Variants in LRR1 observed in about 807,000 individuals in gnomAD.
LRR1 encodes the protein leucine-rich repeat protein 1.
A neutral mutation model predicts 31.6 loss-of-function variants in LRR1; 29 were observed. That is an observed-to-expected ratio of 0.92 (90% CI 0.68 to 1.25). The LOEUF (loss-of-function observed/expected upper bound fraction) is 1.25. LRR1 is among the 50% of genes most tolerant of loss of function. The pLI, the probability that LRR1 is intolerant of heterozygous loss-of-function variation, is 0.00. For synonymous variants in LRR1, 179 were observed against 181.4 expected, an observed-to-expected ratio of 0.99 and a Z score of 0.10; for missense variants, 485 against 487.2, an observed-to-expected ratio of 1.00 and a Z score of 0.04.
chr14:49,611,242 C>T (rs746174109), intron 3 of LRR1, among the ~76,000 whole-genome samples: 2 of 152,020 alleles, frequency 1.3e-5, no homozygotes, highest in African/African-American at 2.4e-5. Context: ...TTTGGGAGAT[C>T]GAGGCAGGCG....
At chr14:49,613,853 G>A (rs1034236386) in intron 3 of LRR1, among the ~76,000 whole-genome samples, 1 of 152,130 alleles carries the variant, frequency 6.6e-6, no homozygotes, top group Non-Finnish European at 1.5e-5. Flanking sequence ...CACCACTGAA[G>A]GGTTTTAAGT....
intron 2 of LRR1, among the ~76,000 whole-genome samples, chr14:49,604,428 G>C (rs925843357): frequency 6.6e-6 from 1 of 152,098 alleles, no homozygotes; most frequent in African/African-American, 2.4e-5. Flanking sequence ...GGCCAGACAC[G>C]GTGGCTCACG....
intron 1 of LRR1, chr14:49,600,101 G>T: frequency 6.3e-7 from 1 of 1,592,074 alleles, no homozygotes; most frequent in South Asian, 1.1e-5. Flanking sequence ...CCTTCCCGGA[G>T]GAGTACGTGC....
At chr14:49,607,375 A>G (rs779995281) in intron 2 of LRR1, 25 bp from the exon 3 acceptor site, 1 of 1,522,078 alleles carries the variant, frequency 6.6e-7, no homozygotes, top group Non-Finnish European at 8.8e-7. Context: ...TGGAATTTAT[A>G]ATTCTACAAC....
chr14:49,611,637 G>A (rs192973290), intron 3 of LRR1, among the ~76,000 whole-genome samples: 81 of 150,772 alleles, frequency 5.4e-4, no homozygotes, highest in Admixed American at 3.2e-3. Context: ...TGTAAGAATT[G>A]TAAGGCTGGG....
At chr14:49,600,113 C>T in intron 1 of LRR1, 5 of 1,584,684 alleles carry the variant, frequency 3.2e-6, no homozygotes, top group African/African-American at 2.7e-5. Context: ...AGTACGTGCC[C>T]ACCGTCTTCG....
At chr14:49,599,239 T>A in intron 1 of LRR1, 36 bp downstream of exon 1, 1 of 1,545,142 alleles carries the variant, frequency 6.5e-7, no homozygotes. Context: ...AGTCTCGCGT[T>A]CTTCTTGGAA....
chr14:49,609,236 T>TTTTC (rs1882420110), intron 3 of LRR1, among the ~76,000 whole-genome samples: 1 of 131,666 alleles, frequency 7.6e-6, no homozygotes, highest in Admixed American at 7.6e-5. Context: ...TTTTTTTTTT[T>TTTTC]TTTTTTTGAG....
At chr14:49,604,474 C>A (rs1219389444) in intron 2 of LRR1, among the ~76,000 whole-genome samples, 1 of 151,978 alleles carries the variant, frequency 6.6e-6, no homozygotes, top group African/African-American at 2.4e-5. Context: ...CCTAGTTGGG[C>A]GGATTGCTTG....
intron 2 of LRR1, 39 bp downstream of exon 2, chr14:49,602,507 T>C: frequency 6.6e-7 from 1 of 1,521,816 alleles, no homozygotes; most frequent in Non-Finnish European, 9.1e-7. Flanking sequence ...TATTTGGCTG[T>C]ATTTTCTTTA....
In LRR1 at chr14:49,614,333, G is replaced by A; in HGVS notation, c.1082G>A (p.Arg361Lys). The A allele has an allele frequency of 6.2e-7, 1 of 1,613,960 alleles. No individual in the cohort carries two copies. ...LDTAKICVCGRFCLNSFIQGT... is the reference protein window; with the variant it reads ...LDTAKICVCGKFCLNSFIQGT... Reference sequence around the variant, plus strand: ...ACCGCAAAAATTTGTGTTTGTGGAAGATTCTGTCTGAACTCTTTCATTCAA... The same window carrying A: ...ACCGCAAAAATTTGTGTTTGTGGAAAATTCTGTCTGAACTCTTTCATTCAA... The change falls in exon 4 of 4, where the codon AGA becomes AAA. Residue 361 changes from arginine to lysine, a missense_variant. Arg to Lys is a conservative substitution (Grantham distance 26). Around this residue, in one of 3 missense-constraint regions of LRR1, gnomAD observed 210 missense variants for 200.4 expected, o/e 1.05. Coordinates refer to ENST00000298288, the MANE Select transcript of LRR1 (RefSeq NM_152329.4).
At chr14:49,610,811 C>G (rs1273411981) in intron 3 of LRR1, among the ~76,000 whole-genome samples, 1 of 152,134 alleles carries the variant, frequency 6.6e-6, no homozygotes, top group Non-Finnish European at 1.5e-5. Flanking sequence ...ATCCACCTGC[C>G]TCAGCCTCCC....
In LRR1 at chr14:49,598,991, A is replaced by G. The variant is rs770406526; in HGVS notation, c.-30A>G. 3.2e-6 allele frequency: 5 copies of G among 1,585,936 alleles called. No individual in the cohort carries two copies. The highest frequency in any genetic ancestry group is 4.3e-6 in the Non-Finnish European group (5 of 1,164,630). On this transcript the variant is annotated 5_prime_UTR_variant, in exon 1 of 4. Coordinates refer to ENST00000298288, the MANE Select transcript of LRR1 (RefSeq NM_152329.4). ...GCGGGAAGGAGGAAGTTTCAAAGCCAGCTTGACGTGGTTGTGGCCGTTGGG... is the reference window on the plus strand; with the variant it reads ...GCGGGAAGGAGGAAGTTTCAAAGCCGGCTTGACGTGGTTGTGGCCGTTGGG...
At chr14:49,605,720 C>T (rs1052483939) in intron 2 of LRR1, among the ~76,000 whole-genome samples, 1 of 152,228 alleles carries the variant, frequency 6.6e-6, no homozygotes, top group Non-Finnish European at 1.5e-5. Context: ...TTTCAGTCCT[C>T]TGCTGTTTTC....
chr14:49,609,939 C>G (rs1489428195), intron 3 of LRR1, among the ~76,000 whole-genome samples: 1 of 151,792 alleles, frequency 6.6e-6, no homozygotes, highest in Non-Finnish European at 1.5e-5. Context: ...AACTCCTGAC[C>G]TCAGGTGATC....
In LRR1 at chr14:49,602,801, G is replaced by T. The variant is rs188874619; in HGVS notation, c.282+333G>T. ...AGCATGAGCCACCATACTTGGCCTG[G>T]CGTGTATTTGCTTGCTTGCTTGCTT... On this transcript the variant is annotated intron_variant, in intron 2 of 3. Transcript: ENST00000298288. Among the ~76,000 whole-genome samples the T allele has an allele frequency of 1.0e-3, 156 of 152,036 alleles. 1 individual carries two copies. The highest frequency in any genetic ancestry group is 9.6e-4 in the Non-Finnish European group (65 of 67,970).
chr14:49,611,470 C>A (rs118029486), intron 3 of LRR1, among the ~76,000 whole-genome samples: 3 of 151,930 alleles, frequency 2.0e-5, no homozygotes, highest in Non-Finnish European at 2.9e-5. Flanking sequence ...ATTGAGACTC[C>A]GTCTCAATCA....
intron 3 of LRR1, among the ~76,000 whole-genome samples, chr14:49,611,725 C>T (rs1812443014): frequency 6.6e-6 from 1 of 152,034 alleles, no homozygotes; most frequent in African/African-American, 2.4e-5. Context: ...GAGTTTGAGA[C>T]CAGCAGGGCT....
In LRR1 at chr14:49,599,223, C is replaced by T. The variant is rs1355126608; in HGVS notation, c.183+20C>T. The stretch of plus-strand genomic sequence containing the variant: ...TATGAGGTGCGTGAAGTGGGCAGGC[C>T]CTGTCAGTCTCGCGTTCTTCTTGGA... On this transcript the variant is annotated intron_variant, in intron 1 of 3. Coordinates refer to ENST00000298288, the MANE Select transcript of LRR1 (RefSeq NM_152329.4). The T allele has an allele frequency of 1.3e-6, 2 of 1,576,674 alleles. No individual in the cohort carries two copies. Among genetic ancestry groups the T allele is most frequent in the Admixed American group, 1.8e-5 (1 of 55,450 alleles).
Sources: gnomAD v4.1 joint callset for allele counts (sites outside exome capture counted in the v4.1 genomes callset) on GRCh38, gnomAD v4.1.1 for gene constraint, gnomAD v4.1.1 regional missense constraint, MANE v1.5 for transcripts, NCBI Gene and HGNC (gene_info 2026-07-23, HGNC 2026-07-21) for gene names.